GABRE: variants seen among roughly 807,000 people sequenced by gnomAD.
GABRE encodes the protein gamma-aminobutyric acid receptor subunit epsilon.
Under a neutral mutation model 31.0 loss-of-function variants are expected in GABRE, and 20 were observed. The ratio of observed to expected loss-of-function variants is 0.64; its 90% CI spans 0.45 to 0.94. GABRE has a LOEUF of 0.94. Ranked by LOEUF, GABRE falls within the 40% of genes least tolerant of loss-of-function variation. The pLI, the probability that GABRE is intolerant of heterozygous loss-of-function variation, is 0.00. For synonymous variants in GABRE, 155 were observed against 150.6 expected (o/e 1.03, Z -0.21); for missense variants, 420 against 410.7 (o/e 1.02, Z -0.20).
chrX:151,961,972 T>C (rs1407881382), intron 4 of GABRE, among the ~76,000 whole-genome samples: 1 of 111,848 alleles, frequency 8.9e-6, no homozygotes, highest in Non-Finnish European at 1.9e-5. Flanking sequence ...ACATCCTCCC[T>C]GCTATCCCCC....
intron 1 of GABRE, among the ~76,000 whole-genome samples, chrX:151,973,156 G>A (rs372622001): frequency 9.0e-6 from 1 of 111,269 alleles, no homozygotes; most frequent in Non-Finnish European, 1.9e-5. Flanking sequence ...ACCAGGGAGA[G>A]GTCTTCTGGT....
At chrX:151,967,118 A>G (rs944812249) in intron 3 of GABRE, among the ~76,000 whole-genome samples, 3 of 111,703 alleles carry the variant, frequency 2.7e-5, no homozygotes, top group African/African-American at 9.8e-5. Flanking sequence ...AAGCAAACCG[A>G]AGCATCTTGG....
In GABRE at chrX:151,953,628, T is replaced by A. The variant is rs950608620; in HGVS notation, c.*1073A>T. On this transcript the variant is annotated 3_prime_UTR_variant, in exon 9 of 9. Coordinates refer to ENST00000370328, the MANE Select transcript of GABRE (RefSeq NM_004961.4). ...CAAAAGTGCTTTGCCAAAGTTCCAG[T>A]GCCATACAAATTTAAGGGAATTTGA... The A allele has an allele frequency of 1.2e-4, 14 of 112,426 alleles. No individual in the cohort carries two copies. Among genetic ancestry groups the A allele is most frequent in the African/African-American group, 4.5e-4 (14 of 30,870 alleles). 9.3% of individuals were successfully genotyped at this position (112,426 alleles called of 1,213,427 possible).
intron 3 of GABRE, among the ~76,000 whole-genome samples, chrX:151,965,349 C>T (rs1934497295): frequency 9.0e-6 from 1 of 111,596 alleles, no homozygotes; most frequent in Non-Finnish European, 1.9e-5. Flanking sequence ...TATTGTCTGT[C>T]CCATAAAATG....
chrX:151,970,377 T>A lies in GABRE; in HGVS notation c.82A>T (p.Lys28Ter). 7 of 1,211,097 alleles carry A rather than the reference T, an allele frequency of 5.8e-6. No individual in the cohort carries two copies. Among genetic ancestry groups the A allele is most frequent in the Non-Finnish European group, 7.8e-6 (7 of 895,411 alleles). The change falls in exon 2 of 9, where the codon AAG (lysine) becomes TAG (stop). Residue 28 changes from lysine to a stop codon, truncating the protein, a stop_gained. Transcript: ENST00000370328. LOFTEE classifies it high-confidence loss of function. ...SRVEGPQTES[K>*]NEASSRDVVY... ...ACATCACGGGAAGAGGCTTCATTCT[T>A]TGATTCAGTCTGAGGTCCCTCGACC... is the stretch of plus-strand genomic sequence containing the variant.
chrX:151,970,367 G>A lies in GABRE; in HGVS notation c.92C>T (p.Ala31Val). 8.3e-7 allele frequency: 1 copy of A among 1,210,786 alleles called. No individual in the cohort carries two copies. Among genetic ancestry groups the A allele is most frequent in the Non-Finnish European group, 1.1e-6 (1 of 895,143 alleles). ...GCCATAGACAACATCACGGGAAGAG[G>A]CTTCATTCTTTGATTCAGTCTGAGG... ...EGPQTESKNE[A>V]SSRDVVYGPQ... The change falls in exon 2 of 9, where the codon GCC becomes GTC. Residue 31 changes from alanine (A) to valine (V), a missense_variant. Physicochemically the swap from Ala to Val is moderately conservative, Grantham distance 64. Coordinates refer to ENST00000370328, the MANE Select transcript of GABRE (RefSeq NM_004961.4).
Position 151,954,808 on chromosome X carries a change from G to A in GABRE, c.1414C>T (p.Arg472Cys), listed in dbSNP as rs553890653. Residue 472 changes from arginine (R) to cysteine (C), a missense_variant, in exon 9 of 9, where the codon CGC becomes TGC. By Grantham distance (180) the Arg-to-Cys change is radical (BLOSUM62 -3). Coordinates refer to ENST00000370328, the MANE Select transcript of GABRE (RefSeq NM_004961.4). ...AGGCGGTAGACATGGATGCAGAGGC[G>A]GCCCTGCTGCCAGGTACTGCCCTCA... ...DCEGSTWQQG[R>C]LCIHVYRLDN... 27 of 1,210,024 alleles carry A rather than the reference G, an allele frequency of 2.2e-5. No individual in the cohort carries two copies. Among genetic ancestry groups the A allele is most frequent in the Middle Eastern group, 2.3e-4 (1 of 4,373 alleles).
In GABRE at chrX:151,962,336, T is replaced by A. The variant is rs780611198; in HGVS notation, c.563+87A>T. 2.2e-4 allele frequency: 177 copies of A among 815,469 alleles called. 2 individuals carry two copies. In the East Asian group the frequency reaches 5.7e-3, roughly 26 times the overall value. The allele number at this position is 815,469 out of a possible 1,213,427, so 67.2% of individuals were successfully genotyped here. ...AGGCCCTTAGAGGTATCATTCAGGA[T>A]GAGATCTCTGCCCATGGATCTTTAG... On this transcript the variant is annotated intron_variant, in intron 4 of 8. Coordinates refer to ENST00000370328, the MANE Select transcript of GABRE (RefSeq NM_004961.4).
intron 6 of GABRE, chrX:151,957,095 T>A (rs909329818): frequency 7.4e-6 from 1 of 134,903 alleles, no homozygotes; most frequent in Non-Finnish European, 1.5e-5. Flanking sequence ...CCCCTGCCCA[T>A]CCAAGCTCAG....
chrX:151,962,978 T>C (rs1420464812), intron 3 of GABRE, among the ~76,000 whole-genome samples: 1 of 111,655 alleles, frequency 9.0e-6, no homozygotes, highest in Non-Finnish European at 1.9e-5. Flanking sequence ...CTCAGGACAA[T>C]AGAAAAGTTT....
intron 1 of GABRE, chrX:151,972,502 A>G (rs1394040820): frequency 1.3e-6 from 1 of 751,500 alleles, no homozygotes; most frequent in Non-Finnish European, 1.6e-6. Flanking sequence ...GCCAGACAGG[A>G]CCACCTAAAC....
At chrX:151,973,897 G>A (rs1004068777) in intron 1 of GABRE, among the ~76,000 whole-genome samples, 4 of 111,105 alleles carry the variant, frequency 3.6e-5, no homozygotes, top group Non-Finnish European at 7.5e-5. Flanking sequence ...AGGGTGTCTA[G>A]GGATGAGTTA....
rs771298867 is a variant in GABRE at position 151,974,671 on chromosome X, C to A, written c.-46G>T. The stretch of plus-strand genomic sequence containing the variant: ...CCACCTGCGCGGAGGTCGCGGCTCA[C>A]GCTCTGGCCGCACTGAGCGCGGGGC... On this transcript the variant is annotated 5_prime_UTR_variant, in exon 1 of 9. Transcript: ENST00000370328. 4 of 988,740 alleles carry A rather than the reference C, an allele frequency of 4.0e-6. No individual in the cohort carries two copies. Among genetic ancestry groups the A allele is most frequent in the Non-Finnish European group, 2.8e-6 (2 of 716,858 alleles). The allele number at this position is 988,740 out of a possible 1,213,427, so 81.5% of individuals were successfully genotyped here.
rs1934122954 is a variant in GABRE, at chrX:151,955,376, G to A, written c.1129C>T (p.Leu377Phe). Residue 377 changes from leucine to phenylalanine, a missense_variant, in exon 8 of 9, where the codon CTC becomes TTC. By Grantham distance (22) the Leu-to-Phe change is conservative. Coordinates refer to ENST00000370328, the MANE Select transcript of GABRE (RefSeq NM_004961.4). ...CCATACCCAGCTCATACATGGCGGAGTTTAGGAGAAGCATGGGCTTTTGTC... is the reference window on the plus strand; with the variant it reads ...CCATACCCAGCTCATACATGGCGGAATTTAGGAGAAGCATGGGCTTTTGTC... Reference protein sequence around the residue: ...NQTKAHASPKLRHPRINSRAH... With the variant: ...NQTKAHASPKFRHPRINSRAH... 7.4e-6 allele frequency: 9 copies of A among 1,212,010 alleles called. No individual in the cohort carries two copies. Among genetic ancestry groups the A allele is most frequent in the Non-Finnish European group, 1.0e-5 (9 of 895,445 alleles).
intron 5 of GABRE, among the ~76,000 whole-genome samples, chrX:151,960,529 T>C (rs959897039): frequency 9.0e-6 from 1 of 111,604 alleles, no homozygotes; most frequent in African/African-American, 3.3e-5. Flanking sequence ...CAGGATTGGG[T>C]GGCAGGGTCC....
intron 6 of GABRE, 22 bp from the exon 7 acceptor site, chrX:151,955,882 A>T (rs1199718699): frequency 7.5e-6 from 9 of 1,206,174 alleles, no homozygotes; most frequent in Non-Finnish European, 1.0e-5. Context: ...AAAAAACATC[A>T]CTGCATTACA....
rs770797818 is a variant in GABRE at position 151,954,875 on chromosome X, C to G, written c.1347G>C (p.Trp449Cys). Reference sequence around the variant, plus strand: ...AGAAGTACTTCTTAAAACGCTTGCACCACTCACAGCAGGCCAGCTTGGAGC... The same window carrying G: ...AGAAGTACTTCTTAAAACGCTTGCAGCACTCACAGCAGGCCAGCTTGGAGC... ...SLCSKLACCE[W>C]CKRFKKYFCM... is the part of the protein sequence containing the mutation. Residue 449 changes from tryptophan (W) to cysteine (C), a missense_variant, in exon 9 of 9, where the codon TGG becomes TGC. Trp to Cys is a radical substitution (Grantham distance 215). Transcript: ENST00000370328. The G allele has an allele frequency of 2.4e-5, 29 of 1,209,968 alleles. No individual in the cohort carries two copies. Among genetic ancestry groups the G allele is most frequent in the Non-Finnish European group, 3.0e-5 (27 of 895,204 alleles).
intron 3 of GABRE, among the ~76,000 whole-genome samples, chrX:151,965,448 T>C (rs1338900730): frequency 9.0e-6 from 1 of 110,960 alleles, no homozygotes; most frequent in Non-Finnish European, 1.9e-5. Context: ...CCTACTGCAA[T>C]AGAACTCCAA....
rs1934361788 is a variant in GABRE, at chrX:151,961,302, G to A, written c.627C>T (p.Cys209=). The change falls in exon 5 of 9, where the codon TGC becomes TGT. Residue 209 remains cysteine (C), a synonymous_variant. Coordinates refer to ENST00000370328, the MANE Select transcript of GABRE (RefSeq NM_004961.4). The part of the protein sequence containing the change: ...MLRFPMDSHS[C]PLSFSSFSYP... ...ACTCACAGCTAGAGAAAGATAGAGG[G>A]CAAGAGTGAGAATCCATTGGAAATC... The A allele has an allele frequency of 1.7e-6, 2 of 1,203,758 alleles. No homozygotes were observed. Among genetic ancestry groups the A allele is most frequent in the African/African-American group, 3.5e-5 (2 of 56,621 alleles).
Sources: gnomAD v4.1 joint callset for allele counts (sites outside exome capture counted in the v4.1 genomes callset) on GRCh38, gnomAD v4.1.1 for gene constraint, MANE v1.5 for transcripts, NCBI Gene and HGNC (gene_info 2026-07-23, HGNC 2026-07-21) for gene names.